OSMR: variants seen among roughly 807,000 people sequenced by gnomAD.
The protein encoded by OSMR is oncostatin-M-specific receptor subunit beta.
Under a neutral mutation model 99.9 loss-of-function variants are expected in OSMR, and 81 were observed. That is an observed-to-expected ratio of 0.81 (90% confidence interval 0.68 to 0.97). The LOEUF is 0.97. Among genes scored for constraint, OSMR ranks in the 50% least tolerant of loss-of-function variants. The pLI is 0.00. For missense variants in OSMR, 1,099 were observed against 1,153.4 expected, an observed-to-expected ratio of 0.95 and a Z score of 0.68; for synonymous variants, 406 against 410.4, an observed-to-expected ratio of 0.99 and a Z score of 0.13.
At chr5:38,871,921 A>G (rs1742416228) in intron 2 of OSMR, among the ~76,000 whole-genome samples, 1 of 152,152 alleles carries the variant, frequency 6.6e-6, no homozygotes, top group Non-Finnish European at 1.5e-5. Context: ...GTGGATGGTC[A>G]GAGAAACAGG....
At position 38,920,077 on chromosome 5, in the gene OSMR, G is replaced by T. The variant is rs547950226; in HGVS notation, c.1585+1015G>T. On this transcript the variant is annotated intron_variant, in intron 11 of 17. Coordinates refer to ENST00000274276, the MANE Select transcript of OSMR (RefSeq NM_003999.3). Reference sequence around the variant, plus strand: ...AGGGGGCATTTCATTCAGCCTCGGGGAGCTGGTACTGGCCTCTTCTGAGGA... The same window carrying T: ...AGGGGGCATTTCATTCAGCCTCGGGTAGCTGGTACTGGCCTCTTCTGAGGA... Among the ~76,000 whole-genome samples the T allele has an allele frequency of 5.3e-5, 8 of 152,258 alleles. No homozygotes were observed. In the South Asian group the frequency reaches 8.3e-4, roughly 16 times the overall value.
At chr5:38,932,014 T>G (rs766014873) in intron 16 of OSMR, 50 bp downstream of exon 16, 1 of 1,328,792 alleles carries the variant, frequency 7.5e-7, no homozygotes, top group East Asian at 2.3e-5. Flanking sequence ...GAGAAAAGTC[T>G]GGAAAGAGAT....
At chr5:38,868,119 G>C (rs752791769) in intron 1 of OSMR, among the ~76,000 whole-genome samples, 29 of 152,152 alleles carry the variant, frequency 1.9e-4, no homozygotes, top group Non-Finnish European at 3.4e-4. Flanking sequence ...TTTAACTCTT[G>C]TTTCTCTGCT....
At chr5:38,862,296 A>C in intron 1 of OSMR, among the ~76,000 whole-genome samples, 1 of 72,710 alleles carries the variant, frequency 1.4e-5, no homozygotes, top group Admixed American at 1.3e-4. Flanking sequence ...CGGGGGGCTG[A>C]CCCCCCCACC....
intron 7 of OSMR, among the ~76,000 whole-genome samples, chr5:38,901,796 C>T (rs1402481344): frequency 1.3e-5 from 2 of 152,114 alleles, no homozygotes; most frequent in African/African-American, 4.8e-5. Context: ...CTTCCAAGGC[C>T]TGTTGTCGCA....
intron 1 of OSMR, among the ~76,000 whole-genome samples, chr5:38,858,288 C>G (rs901440579): frequency 2.0e-5 from 3 of 151,414 alleles, no homozygotes; most frequent in African/African-American, 7.3e-5. Context: ...AGGTAACCAT[C>G]ATTCTATCTT....
At chr5:38,931,672 G>A (rs1746759057) in intron 15 of OSMR, 2 of 389,406 alleles carry the variant, frequency 5.1e-6, no homozygotes, top group Non-Finnish European at 3.5e-6. Flanking sequence ...TGAGACACAC[G>A]GTGTTGATGG....
intron 7 of OSMR, among the ~76,000 whole-genome samples, chr5:38,902,250 C>A (rs1744942830): frequency 6.6e-6 from 1 of 152,150 alleles, no homozygotes. Flanking sequence ...GTGGATATGC[C>A]CCACTGTTAT....
chr5:38,863,706 T>C (rs1223609660), intron 1 of OSMR, among the ~76,000 whole-genome samples: 1 of 152,192 alleles, frequency 6.6e-6, no homozygotes, highest in African/African-American at 2.4e-5. Context: ...AATCAGTGTT[T>C]CTTTGTTAAT....
intron 2 of OSMR, among the ~76,000 whole-genome samples, chr5:38,870,330 CTTT>C (rs374861159): frequency 8.7e-6 from 1 of 115,126 alleles, no homozygotes; most frequent in Non-Finnish European, 1.7e-5. Flanking sequence ...GAATGATTTT[CTTT>C]TTTTTTTTTT....
At chr5:38,876,793 G>A (rs1038947949) in intron 3 of OSMR, among the ~76,000 whole-genome samples, 1 of 152,110 alleles carries the variant, frequency 6.6e-6, no homozygotes, top group African/African-American at 2.4e-5. Flanking sequence ...GAGTTTCTTG[G>A]CCTATACCCA....
At position 38,917,566 on chromosome 5, in the gene OSMR, G is replaced by A; in HGVS notation, c.1306G>A (p.Val436Ile). 3.1e-6 allele frequency: 5 copies of A among 1,613,714 alleles called. No individual in the cohort carries two copies. Among genetic ancestry groups the A allele is most frequent in the African/African-American group, 1.3e-5 (1 of 75,044 alleles). The change falls in exon 10 of 18, where the codon GTC becomes ATC. Residue 436 changes from valine to isoleucine, a missense_variant. Val to Ile is a conservative substitution (Grantham distance 29, BLOSUM62 3). Transcript: ENST00000274276. ...TTCAGCTCCCTCAGAGGCCCCTGAT[G>A]TCTGGAGAATTGTGAGCTTGGAGCC... ...LEAAPSEAPD[V>I]WRIVSLEPGN...
intron 1 of OSMR, among the ~76,000 whole-genome samples, chr5:38,861,850 C>T (rs556168738): frequency 8.3e-4 from 119 of 144,116 alleles, no homozygotes; most frequent in Admixed American, 1.6e-3. Flanking sequence ...ACCTCACAGA[C>T]GGGGCGGCTG....
intron 7 of OSMR, 128 bp downstream of exon 7, chr5:38,886,318 C>T (rs1333553322): frequency 2.5e-5 from 39 of 1,543,618 alleles, no homozygotes; most frequent in Non-Finnish European, 3.3e-5. Context: ...AGAATTTATA[C>T]CTATTGTTCA....
intron 1 of OSMR, chr5:38,941,925 A>T (rs1398401618): frequency 1.7e-5 from 4 of 236,304 alleles, no homozygotes; most frequent in Non-Finnish European, 3.3e-5. Flanking sequence ...TACCCTAAAA[A>T]TCATTCAGAA....
At chr5:38,850,267 T>C (rs1200013910) in intron 1 of OSMR, among the ~76,000 whole-genome samples, 1 of 152,248 alleles carries the variant, frequency 6.6e-6, no homozygotes, top group Non-Finnish European at 1.5e-5. Flanking sequence ...CTTGTACAAC[T>C]ATTTAAATTT....
chr5:38,907,933 T>A, intron 9 of OSMR, among the ~76,000 whole-genome samples: 1 of 152,106 alleles, frequency 6.6e-6, no homozygotes, highest in African/African-American at 2.4e-5. Flanking sequence ...TGGCCCTGCC[T>A]CCCCTGGTGC....
chr5:38,934,398 A>ATTG lies in OSMR; in HGVS notation c.*958_*960dup. ...TGCTAAAATAGTAAAATGAAACCTC[A>ATTG]TTGTTGGACATAATTTAGATATAAC... On this transcript the variant is annotated 3_prime_UTR_variant, in exon 18 of 18. Transcript: ENST00000274276. The ATTG allele has an allele frequency of 6.6e-6, 1 of 152,324 alleles. No individual in the cohort carries two copies. The highest frequency in any genetic ancestry group is 1.9e-4 in the East Asian group (1 of 5,192). The allele number at this position is 152,324 out of a possible 1,614,324, so 9.4% of individuals were successfully genotyped here.
chr5:38,927,787 C>A (rs1254676943), intron 15 of OSMR, among the ~76,000 whole-genome samples: 1 of 152,170 alleles, frequency 6.6e-6, no homozygotes, highest in East Asian at 1.9e-4. Context: ...CTGCAGCTGG[C>A]TTGAATTTCT....
Sources: gnomAD v4.1 joint callset for allele counts (sites outside exome capture counted in the v4.1 genomes callset) on GRCh38, gnomAD v4.1.1 for gene constraint, MANE v1.5 for transcripts, NCBI Gene and HGNC (gene_info 2026-07-23, HGNC 2026-07-21) for gene names.